FGF12: variants seen among roughly 807,000 people sequenced by gnomAD.
The protein encoded by FGF12 is fibroblast growth factor 12B.
FGF12 carries 14 observed loss-of-function variants against 23.6 expected under a neutral mutation model. That is an observed-to-expected ratio of 0.59 (90% CI 0.39 to 0.93). The LOEUF is 0.93. FGF12 is among the 40% of genes least tolerant of loss of function. The pLI is 0.00. For synonymous variants in FGF12, 62 were observed against 77.3 expected (o/e 0.80, Z 1.04); for missense variants, 175 against 217.8 (o/e 0.80, Z 1.24).
At chr3:192,246,343 T>C (rs1028840101) in intron 4 of FGF12, among the ~76,000 whole-genome samples, 12 of 152,132 alleles carry the variant, frequency 7.9e-5, no homozygotes, top group African/African-American at 2.9e-4. Flanking sequence ...GGAGTAAATA[T>C]AAATGGGCCA....
At chr3:192,322,409 T>C (rs993189723) in intron 4 of FGF12, among the ~76,000 whole-genome samples, 3 of 151,968 alleles carry the variant, frequency 2.0e-5, no homozygotes, top group African/African-American at 4.8e-5. Context: ...AATCTACAGA[T>C]TCAATGCAAT....
chr3:192,695,010 G>T (rs1183935267), intron 2 of FGF12, among the ~76,000 whole-genome samples: 1 of 151,908 alleles, frequency 6.6e-6, no homozygotes. Context: ...TAGGGGAGTA[G>T]ATTTTAGGTG....
At chr3:192,549,966 T>C (rs1289737312) in intron 2 of FGF12, among the ~76,000 whole-genome samples, 7 of 152,178 alleles carry the variant, frequency 4.6e-5, no homozygotes, top group African/African-American at 1.7e-4. Context: ...CTTATCAGCC[T>C]CCAAAAACAT....
intron 4 of FGF12, among the ~76,000 whole-genome samples, chr3:192,317,381 A>G (rs993977072): frequency 1.3e-5 from 2 of 151,838 alleles, no homozygotes; most frequent in Non-Finnish European, 2.9e-5. Context: ...CAGCCCTGGC[A>G]ACGTTCACCA....
At chr3:192,466,212 C>G (rs1019486097) in intron 2 of FGF12, among the ~76,000 whole-genome samples, 1 of 152,080 alleles carries the variant, frequency 6.6e-6, no homozygotes, top group East Asian at 1.9e-4. Flanking sequence ...AGAAAACATA[C>G]GGTAAAAATA....
chr3:192,624,998 T>C (rs1174452736), intron 2 of FGF12, among the ~76,000 whole-genome samples: 1 of 152,130 alleles, frequency 6.6e-6, no homozygotes, highest in Non-Finnish European at 1.5e-5. Flanking sequence ...TTAACAAGCT[T>C]GGGAAATAGT....
At chr3:192,542,622 T>A (rs1489955291) in intron 2 of FGF12, among the ~76,000 whole-genome samples, 2 of 152,140 alleles carry the variant, frequency 1.3e-5, no homozygotes, top group Non-Finnish European at 2.9e-5. Context: ...ACAGTCTTTT[T>A]TTTTTCCACC....
chr3:192,694,532 T>C (rs1718045898), intron 2 of FGF12, among the ~76,000 whole-genome samples: 1 of 152,072 alleles, frequency 6.6e-6, no homozygotes, highest in Admixed American at 6.6e-5. Flanking sequence ...GAAATTGTGG[T>C]GTATATACAT....
chr3:192,399,949 C>T (rs1720687537), intron 2 of FGF12, among the ~76,000 whole-genome samples: 1 of 152,180 alleles, frequency 6.6e-6, no homozygotes, highest in Admixed American at 6.5e-5. Flanking sequence ...GTGGTGGTTA[C>T]AAGACCGCCA....
chr3:192,363,883 G>A (rs1686327519), intron 2 of FGF12, among the ~76,000 whole-genome samples: 1 of 152,200 alleles, frequency 6.6e-6, no homozygotes, highest in Non-Finnish European at 1.5e-5. Flanking sequence ...GGGGACCCAA[G>A]ATATGAAGAA....
chr3:192,518,966 T>A (rs537515971), intron 2 of FGF12, among the ~76,000 whole-genome samples: 23 of 144,920 alleles, frequency 1.6e-4, no homozygotes, highest in African/African-American at 5.5e-4. Context: ...TTTTCCAAAC[T>A]TTTTTATCAT....
At chr3:192,384,670 A>T (rs577463677) in intron 2 of FGF12, among the ~76,000 whole-genome samples, 36 of 152,366 alleles carry the variant, frequency 2.4e-4, no homozygotes, top group Non-Finnish European at 3.4e-4. Context: ...ACACACGCAC[A>T]TATACAATCT....
At chr3:192,321,658 T>C (rs908975555) in intron 4 of FGF12, among the ~76,000 whole-genome samples, 2 of 152,110 alleles carry the variant, frequency 1.3e-5, no homozygotes, top group Non-Finnish European at 1.5e-5. Flanking sequence ...CAAGAATGGT[T>C]CAACATTCAT....
chr3:192,230,428 C>T (rs1214742311), intron 4 of FGF12, among the ~76,000 whole-genome samples: 1 of 152,044 alleles, frequency 6.6e-6, no homozygotes, highest in Non-Finnish European at 1.5e-5. Context: ...CATTTCTGGA[C>T]GGCAAGGATT....
chr3:192,576,217 A>C (rs2108609871), intron 2 of FGF12, among the ~76,000 whole-genome samples: 1 of 152,334 alleles, frequency 6.6e-6, no homozygotes. Flanking sequence ...AGTACAGCAC[A>C]GGGAAAGAAC....
intron 4 of FGF12, among the ~76,000 whole-genome samples, chr3:192,290,455 GAAGTTGTAGGAGTTACAATCTGTCTA>G (rs1714695259): frequency 6.6e-6 from 1 of 152,134 alleles, no homozygotes; most frequent in South Asian, 2.1e-4. Context: ...GAAAGAAGGG[GAAGTTGTAGGAGTTACAATCTGTCTA>G]TAGAGTACAA....
intron 4 of FGF12, among the ~76,000 whole-genome samples, chr3:192,322,183 A>C (rs986360775): frequency 5.3e-5 from 8 of 152,096 alleles, no homozygotes; most frequent in South Asian, 4.1e-4. Flanking sequence ...AACAGTGAAC[A>C]ATCAGAAAAA....
intron 4 of FGF12, among the ~76,000 whole-genome samples, chr3:192,300,652 A>G (rs1453545314): frequency 1.3e-5 from 2 of 152,096 alleles, no homozygotes; most frequent in Admixed American, 6.5e-5. Flanking sequence ...ATTAAAAAGT[A>G]TTATTCTAAA....
chr3:192,445,487 G>T (rs1428538227), intron 2 of FGF12, among the ~76,000 whole-genome samples: 3 of 152,116 alleles, frequency 2.0e-5, no homozygotes, highest in Admixed American at 6.5e-5. Context: ...CATCTAGAAA[G>T]CTTTCCCAAT....
Sources: allele counts gnomAD v4.1 joint callset (sites outside exome capture counted in the v4.1 genomes callset), GRCh38; gene constraint gnomAD v4.1.1; transcripts MANE v1.5; gene names NCBI Gene and HGNC (gene_info 2026-07-23, HGNC 2026-07-21).